ANO10: variants seen among roughly 807,000 people sequenced by gnomAD.
ANO10 encodes anoctamin 10.
A neutral mutation model predicts 74.7 loss-of-function variants in ANO10; 77 were observed. The ratio of observed to expected loss-of-function variants is 1.03; its 90% CI spans 0.86 to 1.25. ANO10 has a LOEUF of 1.25. ANO10 is among the 50% of genes most tolerant of loss of function. ANO10 has a pLI of 0.00. For synonymous variants in ANO10, 279 were observed against 284.9 expected (o/e 0.98, Z 0.21); for missense variants, 721 against 778.1 (o/e 0.93, Z 0.87).
At chr3:43,557,438 T>G (rs1006505673) in intron 9 of ANO10, among the ~76,000 whole-genome samples, 6 of 152,070 alleles carry the variant, frequency 3.9e-5, no homozygotes, top group African/African-American at 1.4e-4. Context: ...TTGAGGACAT[T>G]AAAGACATTT....
intron 11 of ANO10, among the ~76,000 whole-genome samples, chr3:43,511,588 G>A (rs1407165801): frequency 6.6e-6 from 1 of 152,164 alleles, no homozygotes; most frequent in Non-Finnish European, 1.5e-5. Flanking sequence ...GCTTATGTCT[G>A]TTAGTCATTG....
intron 1 of ANO10, among the ~76,000 whole-genome samples, chr3:43,679,219 G>T (rs1186132871): frequency 6.6e-6 from 1 of 152,132 alleles, no homozygotes; most frequent in African/African-American, 2.4e-5. Flanking sequence ...GATGGCACCT[G>T]AAAAATCGGG....
At chr3:43,604,515 T>C (rs2082474964) in intron 2 of ANO10, among the ~76,000 whole-genome samples, 1 of 152,120 alleles carries the variant, frequency 6.6e-6, no homozygotes, top group African/African-American at 2.4e-5. Flanking sequence ...TTTTTTTTTT[T>C]TGGTCCATGT....
At chr3:43,600,272 A>G (rs1178449546) in intron 3 of ANO10, 112 bp downstream of exon 3, 2 of 1,255,270 alleles carry the variant, frequency 1.6e-6, no homozygotes, top group South Asian at 1.2e-5. Context: ...AAAACCTAAA[A>G]TATTTACTAT....
chr3:43,507,021 G>A (rs2077321643), intron 11 of ANO10, among the ~76,000 whole-genome samples: 1 of 152,116 alleles, frequency 6.6e-6, no homozygotes, highest in African/African-American at 2.4e-5. Flanking sequence ...CATCAAGTAG[G>A]TGCTAATATA....
At chr3:43,500,048 T>C (rs1469485929) in intron 11 of ANO10, among the ~76,000 whole-genome samples, 1 of 152,110 alleles carries the variant, frequency 6.6e-6, no homozygotes, top group African/African-American at 2.4e-5. Context: ...GGTTTCGTCA[T>C]GTTGGCCGGG....
chr3:43,381,022 C>G (rs778087010), intron 12 of ANO10, among the ~76,000 whole-genome samples: 4 of 152,052 alleles, frequency 2.6e-5, no homozygotes, highest in Non-Finnish European at 5.9e-5. Context: ...GAGAGAAGCG[C>G]CGAGCAAAGG....
intron 1 of ANO10, among the ~76,000 whole-genome samples, chr3:43,654,781 C>G (rs2083828585): frequency 6.6e-6 from 1 of 152,214 alleles, no homozygotes; most frequent in Admixed American, 6.5e-5. Context: ...GAATGGATGA[C>G]TGCCATAAAC....
At chr3:43,372,986 G>A in intron 12 of ANO10, 1 of 847,204 alleles carries the variant, frequency 1.2e-6, no homozygotes, top group Non-Finnish European at 1.8e-6. Context: ...AGTTCTTGAA[G>A]TCAGCATCAC....
At chr3:43,434,801 T>G (rs1415054272) in intron 11 of ANO10, among the ~76,000 whole-genome samples, 1 of 152,198 alleles carries the variant, frequency 6.6e-6, no homozygotes, top group Non-Finnish European at 1.5e-5. Flanking sequence ...TGCTGTGGTT[T>G]CCATGCGAAC....
chr3:43,660,117 A>AG (rs1218324817), intron 1 of ANO10, among the ~76,000 whole-genome samples: 2 of 152,222 alleles, frequency 1.3e-5, no homozygotes, highest in African/African-American at 4.8e-5. Context: ...GATCAAAGGT[A>AG]GATAAAACCA....
chr3:43,439,533 G>A (rs928807011), intron 11 of ANO10, among the ~76,000 whole-genome samples: 16 of 151,828 alleles, frequency 1.1e-4, no homozygotes, highest in African/African-American at 3.6e-4. Context: ...TTTAATTCTA[G>A]TATACACTTT....
At chr3:43,647,153 ATGTGTGTGTGTGTGTGTGTG>A (rs57290936) in intron 1 of ANO10, among the ~76,000 whole-genome samples, 1 of 141,788 alleles carries the variant, frequency 7.1e-6, no homozygotes, top group Non-Finnish European at 1.5e-5. Context: ...ATGTGTATAT[ATGTGTGTGTGTGTGTGTGTG>A]TGTGTGTGTG....
chr3:43,563,600 T>C (rs546853145), intron 8 of ANO10, among the ~76,000 whole-genome samples: 2 of 152,166 alleles, frequency 1.3e-5, no homozygotes, highest in African/African-American at 4.8e-5. Context: ...AGAATCAACC[T>C]CAGTGTCTAT....
rs188435645 is a variant in ANO10, at chr3:43,593,503, C to T, written c.472+5029G>A. The stretch of plus-strand genomic sequence containing the variant: ...TTCAACCCAGAATTTCATATCCAGA[C>T]AAACTAAGCTTCATAAGTGAAGGAC... On this transcript the variant is annotated intron_variant, in intron 4 of 12. Transcript: ENST00000292246. Among the ~76,000 whole-genome samples, 35 of 152,298 alleles carry T rather than the reference C, an allele frequency of 2.3e-4. No individual in the cohort carries two copies. The East Asian group carries it at 6.4e-3, about 28-fold the overall frequency.
intron 1 of ANO10, among the ~76,000 whole-genome samples, chr3:43,612,192 G>T (rs2082868308): frequency 9.5e-6 from 1 of 104,728 alleles, no homozygotes; most frequent in Non-Finnish European, 1.9e-5. Context: ...ATATGCCCAA[G>T]AAACAATCTC....
chr3:43,408,762 G>A (rs2148887276), intron 12 of ANO10, among the ~76,000 whole-genome samples: 1 of 152,310 alleles, frequency 6.6e-6, no homozygotes, highest in Admixed American at 6.5e-5. Context: ...AGGCACAGTG[G>A]CTCACGTTTG....
chr3:43,665,488 G>A (rs932087192), intron 1 of ANO10, among the ~76,000 whole-genome samples: 3 of 152,012 alleles, frequency 2.0e-5, no homozygotes, highest in South Asian at 2.1e-4. Flanking sequence ...AAAACTGCAC[G>A]TTCTGCACAT....
intron 11 of ANO10, among the ~76,000 whole-genome samples, chr3:43,532,041 C>G (rs1034981887): frequency 2.0e-5 from 3 of 152,230 alleles, no homozygotes; most frequent in Non-Finnish European, 2.9e-5. Flanking sequence ...GCTGATTCAT[C>G]TGCCAGCCCT....
Sources: allele counts gnomAD v4.1 joint callset (sites outside exome capture counted in the v4.1 genomes callset), GRCh38; gene constraint gnomAD v4.1.1; transcripts MANE v1.5; gene names NCBI Gene and HGNC (gene_info 2026-07-23, HGNC 2026-07-21).